PYGL: variants seen among roughly 807,000 people sequenced by gnomAD.
PYGL encodes glycogen phosphorylase L.
In PYGL, 90 loss-of-function variants were observed where a neutral mutation model predicts 100.1. The observed-to-expected ratio is 0.90, with a 90% CI of 0.76 to 1.07. The LOEUF is 1.07. Among genes scored for constraint, PYGL ranks in the 50% least tolerant of loss-of-function variants. The pLI, the probability that PYGL is intolerant of heterozygous loss-of-function variation, is 0.00. For missense variants in PYGL, 1,016 were observed against 1,057.6 expected (o/e 0.96, Z 0.55); for synonymous variants, 373 against 393.0 (o/e 0.95, Z 0.60).
intron 1 of PYGL, among the ~76,000 whole-genome samples, chr14:50,939,757 T>TA (rs921139265): frequency 1.1e-4 from 16 of 151,778 alleles, no homozygotes; most frequent in African/African-American, 3.9e-4. Context: ...AGATAAGAAG[T>TA]AAAAAAAGAA....
At position 50,944,137 on chromosome 14, in the gene PYGL, G is replaced by A. The variant is rs778262901; in HGVS notation, c.243+24C>T. On this transcript the variant is annotated intron_variant, in intron 1 of 19. Coordinates refer to ENST00000216392, the MANE Select transcript of PYGL (RefSeq NM_002863.5). ...GACTCCGACTCCGGGCTGGACCCCG[G>A]CCCGCCGTCCCGCCCCCGGTTACCT... The A allele has an allele frequency of 1.3e-5, 20 of 1,586,510 alleles. 1 individual carries two copies. In the Admixed American group the frequency reaches 3.5e-4, roughly 28 times the overall value.
At chr14:50,916,817 CTG>C (rs2050455808) in intron 8 of PYGL, 83 bp from the exon 9 acceptor site, 2 of 1,542,832 alleles carry the variant, frequency 1.3e-6, no homozygotes, top group Non-Finnish European at 1.8e-6. Flanking sequence ...GGAGAAAGCA[CTG>C]ATATGCCCAC....
chr14:50,911,797 G>C lies in PYGL; in HGVS notation c.1902C>G (p.Asp634Glu), dbSNP rs755141133. ...ITSVADVVNN[D>E]PMVGSKLKVI... ...CTTTCAACTTGCTTCCAACCATAGG[G>C]TCATTGTTCACCACATCTGCCACTG... Residue 634 changes from aspartate (D) to glutamate (E), a missense_variant, in exon 16 of 20, where the codon GAC becomes GAG. Coordinates refer to ENST00000216392, the MANE Select transcript of PYGL (RefSeq NM_002863.5). 4.3e-6 allele frequency: 7 copies of C among 1,614,084 alleles called. No homozygotes were observed. In the Admixed American group the frequency reaches 1.0e-4, roughly 23 times the overall value.
Position 50,905,530 on chromosome 14 carries a change from TA to T in PYGL, c.2405del (p.Val802AspfsTer5). On this transcript the variant is annotated frameshift_variant, in exon 20 of 20. Transcript: ENST00000216392. LOFTEE classifies it high-confidence loss of function. ...YMNPKAWNTM[V>X]LKNIAASGKF... is the part of the protein sequence containing the mutation. Reference sequence around the variant, plus strand: ...TCCCCGAGGCAGCTATGTTTTTGAGTACCATTGTGTTCCAGGCCTTTGGATT... The same window carrying T: ...TCCCCGAGGCAGCTATGTTTTTGAGTCCATTGTGTTCCAGGCCTTTGGATT... The T allele has an allele frequency of 6.2e-7, 1 of 1,614,034 alleles. No homozygotes were observed. Among genetic ancestry groups the T allele is most frequent in the Non-Finnish European group, 8.5e-7 (1 of 1,179,912 alleles).
At chr14:50,917,357 TA>T (rs764810340) in intron 7 of PYGL, among the ~76,000 whole-genome samples, 1 of 152,154 alleles carries the variant, frequency 6.6e-6, no homozygotes, top group Non-Finnish European at 1.5e-5. Flanking sequence ...AACAACCTTT[TA>T]GAGGCTGAAA....
rs72685343 is a variant in PYGL at position 50,912,435 on chromosome 14, C to T, written c.1621-132G>A. 79,066 of 1,112,800 alleles carry T rather than the reference C, an allele frequency of 0.071. 3,470 individuals carry two copies. The highest frequency in any genetic ancestry group is 0.088 in the Non-Finnish European group (65,687 of 747,722). 68.9% of individuals were successfully genotyped at this position (1,112,800 alleles called of 1,614,324 possible). On this transcript the variant is annotated intron_variant, in intron 13 of 19. Coordinates refer to ENST00000216392, the MANE Select transcript of PYGL (RefSeq NM_002863.5). Reference sequence around the variant, plus strand: ...GTGCAGTGGCATGATCTCAGATCACCGCAGCCTCCACCTCCCACATTCAAG... The same window carrying T: ...GTGCAGTGGCATGATCTCAGATCACTGCAGCCTCCACCTCCCACATTCAAG...
intron 4 of PYGL, among the ~76,000 whole-genome samples, chr14:50,928,581 G>T (rs996204144): frequency 1.3e-5 from 2 of 152,132 alleles, no homozygotes; most frequent in African/African-American, 4.8e-5. Context: ...TATTTTCATA[G>T]AGGACTGTTA....
chr14:50,943,954 C>T (rs1293024721), intron 1 of PYGL, among the ~76,000 whole-genome samples: 1 of 152,212 alleles, frequency 6.6e-6, no homozygotes, highest in African/African-American at 2.4e-5. Context: ...GGTGGCACCT[C>T]GGAGACATGA....
intron 11 of PYGL, 136 bp downstream of exon 11, chr14:50,915,200 T>C: frequency 8.9e-7 from 1 of 1,126,624 alleles, no homozygotes; most frequent in Non-Finnish European, 1.3e-6. Context: ...TAGGCAAGAG[T>C]TTTTTGTATA....
intron 4 of PYGL, among the ~76,000 whole-genome samples, chr14:50,927,263 C>T (rs543302500): frequency 1.3e-4 from 20 of 152,256 alleles, no homozygotes; most frequent in Non-Finnish European, 2.4e-4. Flanking sequence ...TTTGCTCTGT[C>T]GCCCAGGCTG....
intron 1 of PYGL, among the ~76,000 whole-genome samples, chr14:50,941,359 C>T: frequency 6.6e-6 from 1 of 152,196 alleles, no homozygotes; most frequent in East Asian, 1.9e-4. Flanking sequence ...TATCCTTATT[C>T]AGCCTCAGGC....
rs1255344147 is a variant in PYGL at position 50,944,199 on chromosome 14, T to C, written c.205A>G (p.Ile69Val). ...TCGTAGTAGTGCTGCTGCGTGCGGATCCAGCGCCCCACCAGGTGGTCGCGC... is the reference window on the plus strand; with the variant it reads ...TCGTAGTAGTGCTGCTGCGTGCGGACCCAGCGCCCCACCAGGTGGTCGCGC... ...TVRDHLVGRW[I>V]RTQQHYYDKC... Residue 69 changes from isoleucine (I) to valine (V), a missense_variant, in exon 1 of 20, where the codon ATC becomes GTC. Transcript: ENST00000216392. The C allele has an allele frequency of 1.9e-6, 3 of 1,610,910 alleles. No homozygotes were observed. The highest frequency in any genetic ancestry group is 2.5e-6 in the Non-Finnish European group (3 of 1,179,772).
intron 7 of PYGL, among the ~76,000 whole-genome samples, chr14:50,919,810 T>C (rs1402235400): frequency 1.3e-5 from 2 of 152,034 alleles, no homozygotes; most frequent in African/African-American, 4.8e-5. Context: ...GCCTCTCCAG[T>C]AGCTGGGATT....
intron 1 of PYGL, among the ~76,000 whole-genome samples, chr14:50,941,810 A>G (rs551902544): frequency 5.3e-5 from 8 of 152,282 alleles, no homozygotes; most frequent in Admixed American, 4.6e-4. Context: ...CCCGAGAGGC[A>G]GAGGTTGCAG....
chr14:50,906,752 A>G (rs758178675), intron 19 of PYGL, among the ~76,000 whole-genome samples: 13 of 152,190 alleles, frequency 8.5e-5, no homozygotes, highest in Admixed American at 8.5e-4. Context: ...TCCAATGTAC[A>G]GGAAGCAGGT....
chr14:50,908,701 G>A, intron 18 of PYGL, 120 bp downstream of exon 18: 1 of 1,371,984 alleles, frequency 7.3e-7, no homozygotes, highest in Non-Finnish European at 1.0e-6. Flanking sequence ...TACATGAGTG[G>A]GTTTAAGTTG....
intron 2 of PYGL, among the ~76,000 whole-genome samples, chr14:50,935,897 C>G (rs904227601): frequency 6.6e-6 from 1 of 152,202 alleles, no homozygotes; most frequent in Non-Finnish European, 1.5e-5. Context: ...GGGTAAAATC[C>G]TTTACTTTTC....
In PYGL at chr14:50,932,761, C is replaced by T. The variant is rs142677349; in HGVS notation, c.425-985G>A. Among the ~76,000 whole-genome samples, 754 of 152,230 alleles carry T rather than the reference C, an allele frequency of 5.0e-3. 2 individuals are homozygous for T. Among genetic ancestry groups the T allele is most frequent in the African/African-American group, 0.017 (705 of 41,522 alleles). On this transcript the variant is annotated intron_variant, in intron 3 of 19. Transcript: ENST00000216392. ...GTGTTACACTAATCAGATTGTCCCT[C>T]CCAGGAATTTAAGCTGAGAAATATA... is the stretch of plus-strand genomic sequence containing the variant.
At chr14:50,925,710 C>A (rs2050541297) in intron 4 of PYGL, among the ~76,000 whole-genome samples, 1 of 152,174 alleles carries the variant, frequency 6.6e-6, no homozygotes, top group African/African-American at 2.4e-5. Flanking sequence ...ATCAAGAAAG[C>A]CAGTAAGCTT....
Sources: gnomAD v4.1 joint callset for allele counts (sites outside exome capture counted in the v4.1 genomes callset) on GRCh38, gnomAD v4.1.1 for gene constraint, MANE v1.5 for transcripts, NCBI Gene and HGNC (gene_info 2026-07-23, HGNC 2026-07-21) for gene names.